ZBBX: variants seen among roughly 807,000 people sequenced by gnomAD.
ZBBX encodes zinc finger B-box domain-containing protein 1.
ZBBX carries 101 observed loss-of-function variants against 108.5 expected under a neutral mutation model. The observed-to-expected ratio is 0.93, with a 90% CI of 0.79 to 1.10. The LOEUF is 1.10. Ranked by LOEUF, ZBBX falls within the 50% of genes least tolerant of loss-of-function variation. The pLI is 0.00. For missense variants in ZBBX, 1,009 were observed against 941.4 expected, an observed-to-expected ratio of 1.07 and a Z score of -0.94; for synonymous variants, 356 against 323.4, an observed-to-expected ratio of 1.10 and a Z score of -1.08.
chr3:167,321,464 G>A (rs1049547535), intron 12 of ZBBX, among the ~76,000 whole-genome samples: 1 of 151,966 alleles, frequency 6.6e-6, no homozygotes, highest in African/African-American at 2.4e-5. Context: ...CGTAACTGAA[G>A]GTGAAGCAAG....
intron 19 of ZBBX, among the ~76,000 whole-genome samples, chr3:167,285,890 CT>C (rs1729604754): frequency 6.6e-6 from 1 of 152,120 alleles, no homozygotes; most frequent in Non-Finnish European, 1.5e-5. Flanking sequence ...TGTTCCATTA[CT>C]GAAGATACCC....
At chr3:167,336,419 C>T (rs889211929) in intron 9 of ZBBX, among the ~76,000 whole-genome samples, 2 of 152,078 alleles carry the variant, frequency 1.3e-5, no homozygotes, top group African/African-American at 2.4e-5. Flanking sequence ...GAACATCATA[C>T]TCTTAAACAT....
chr3:167,284,167 A>C (rs1729299766), intron 19 of ZBBX, among the ~76,000 whole-genome samples: 1 of 139,434 alleles, frequency 7.2e-6, no homozygotes, highest in Non-Finnish European at 1.5e-5. Flanking sequence ...AAATATGCCT[A>C]AGTGTTAAAA....
At chr3:167,359,425 C>T (rs1048205869) in intron 8 of ZBBX, among the ~76,000 whole-genome samples, 1 of 151,766 alleles carries the variant, frequency 6.6e-6, no homozygotes, top group Admixed American at 6.6e-5. Context: ...AATTATGCCT[C>T]AATATTAAAA....
At chr3:167,289,068 C>T in intron 18 of ZBBX, 85 bp from the exon 19 acceptor site, 1 of 692,210 alleles carries the variant, frequency 1.4e-6, no homozygotes, top group South Asian at 3.4e-5. Context: ...TCTTACTGGA[C>T]AATATTTAAC....
At chr3:167,398,440 C>T (rs999262294) in intron 1 of ZBBX, among the ~76,000 whole-genome samples, 6 of 151,984 alleles carry the variant, frequency 3.9e-5, no homozygotes, top group African/African-American at 1.4e-4. Context: ...ATCTTCACTG[C>T]TTCAGAAAAT....
chr3:167,355,403 A>G (rs527483787), intron 8 of ZBBX, among the ~76,000 whole-genome samples: 5 of 152,080 alleles, frequency 3.3e-5, no homozygotes, highest in Non-Finnish European at 7.4e-5. Context: ...ACAGAGATAA[A>G]GAGGGATTAA....
At chr3:167,239,008 C>G (rs372536600), downstream of ZBBX, among the ~76,000 whole-genome samples, 7 of 151,954 alleles carry the variant, frequency 4.6e-5, no homozygotes, top group African/African-American at 1.7e-4. Context: ...ATCTATCTAC[C>G]TATCTATCAG....
the ZBBX span, among the ~76,000 whole-genome samples, chr3:167,229,995 A>G: frequency 2.6e-5 from 4 of 151,852 alleles, no homozygotes; most frequent in South Asian, 6.2e-4. Flanking sequence ...TGAAGTGGAA[A>G]TTATTGCTTA....
rs554556421 is a variant in ZBBX at position 167,280,088 on chromosome 3, A to G, written c.2254+2150T>C. ...GGATCCCTTCCTTACACCTTATACA[A>G]AAATCAATTCAAGATGGATTAAAGA... is the stretch of plus-strand genomic sequence containing the variant. On this transcript the variant is annotated intron_variant, in intron 20 of 21. Transcript: ENST00000675490. 5.5e-4 allele frequency among the ~76,000 whole-genome samples: 84 copies of G among 152,252 alleles called. 1 individual carries two copies. The highest frequency in any genetic ancestry group is 4.8e-3 in the Admixed American group (74 of 15,290).
At chr3:167,197,380 T>C in the ZBBX span, among the ~76,000 whole-genome samples, 1 of 151,686 alleles carries the variant, frequency 6.6e-6, no homozygotes, top group African/African-American at 2.4e-5. Flanking sequence ...CTACTAAAAA[T>C]ACAAAAAATT....
At chr3:167,405,824 C>A (rs1288552253) in intron 1 of ZBBX, among the ~76,000 whole-genome samples, 2 of 152,168 alleles carry the variant, frequency 1.3e-5, no homozygotes, top group African/African-American at 2.4e-5. Flanking sequence ...GTAATCCCAG[C>A]ACTTTGTGAG....
At chr3:167,230,491 C>T in the ZBBX span, among the ~76,000 whole-genome samples, 1 of 151,660 alleles carries the variant, frequency 6.6e-6, no homozygotes, top group African/African-American at 2.4e-5. Context: ...TGAATGTCTC[C>T]TTTATATACA....
intron 8 of ZBBX, among the ~76,000 whole-genome samples, chr3:167,359,609 T>C (rs1053720632): frequency 2.6e-5 from 4 of 152,092 alleles, no homozygotes; most frequent in Non-Finnish European, 4.4e-5. Flanking sequence ...CTAATAGGTA[T>C]GACTCAAAGG....
At chr3:167,215,449 C>T in the ZBBX span, among the ~76,000 whole-genome samples, 1 of 151,988 alleles carries the variant, frequency 6.6e-6, no homozygotes, top group Non-Finnish European at 1.5e-5. Flanking sequence ...ATTTCCTGAA[C>T]ACATCAATAA....
At chr3:167,207,264 A>C in the ZBBX span, among the ~76,000 whole-genome samples, 4 of 152,356 alleles carry the variant, frequency 2.6e-5, 1 homozygote, top group South Asian at 8.3e-4. Flanking sequence ...CACACAGCTC[A>C]ATAGCAAAGA....
At chr3:167,276,897 C>T (rs945789108) in intron 20 of ZBBX, among the ~76,000 whole-genome samples, 7 of 152,036 alleles carry the variant, frequency 4.6e-5, no homozygotes, top group South Asian at 2.1e-4. Flanking sequence ...GCGGATCTCT[C>T]GGTAGAAACT....
chr3:167,393,007 T>A (rs1191237661), intron 1 of ZBBX: 3 of 151,792 alleles, frequency 2.0e-5, no homozygotes, highest in Non-Finnish European at 4.4e-5. Context: ...ATTGTTTCCA[T>A]CCAATGATGC....
intron 16 of ZBBX, among the ~76,000 whole-genome samples, chr3:167,313,395 C>A (rs1195229275): frequency 6.6e-6 from 1 of 152,072 alleles, no homozygotes; most frequent in African/African-American, 2.4e-5. Context: ...CCTGCCTCAG[C>A]CTTCTGAGTA....
Sources: gnomAD v4.1 joint callset for allele counts (sites outside exome capture counted in the v4.1 genomes callset) on GRCh38, gnomAD v4.1.1 for gene constraint, MANE v1.5 for transcripts, NCBI Gene and HGNC (gene_info 2026-07-23, HGNC 2026-07-21) for gene names.